Variants in ZNF106 observed in about 807,000 individuals in gnomAD.
ZNF106 encodes zinc finger protein 106, also known as SH3-domain binding protein 3.
In ZNF106, 67 loss-of-function variants were observed where a neutral mutation model predicts 195.1. The observed-to-expected ratio is 0.34, with a 90% CI of 0.28 to 0.42. ZNF106 has a LOEUF of 0.42. Among genes scored for constraint, ZNF106 ranks in the 10% least tolerant of loss-of-function variants. The pLI is 1.00. For missense variants in ZNF106, 2,118 were observed against 2,304.5 expected, an observed-to-expected ratio of 0.92 and a Z score of 1.66; for synonymous variants, 784 against 818.6, an observed-to-expected ratio of 0.96 and a Z score of 0.72.
intron 10 of ZNF106, 55 bp from the exon 11 acceptor site, chr15:42,439,868 T>A: frequency 6.8e-7 from 1 of 1,465,760 alleles, no homozygotes; most frequent in African/African-American, 1.4e-5. Flanking sequence ...CTGCAATTTA[T>A]CACTGACTGA....
At position 42,472,252 on chromosome 15, in the gene ZNF106, A is replaced by C; in HGVS notation, c.38T>G (p.Val13Gly). Residue 13 changes from valine to glycine, a missense_variant, in exon 2 of 22, where the codon GTG (valine) becomes GGG (glycine). Val to Gly is a moderately radical substitution (Grantham distance 109). Transcript: ENST00000564754. ...RERKCILCHI[V>G]YSSKKEMDEH... is the part of the protein sequence containing the mutation. ...CATTATTACCTTTTTTGAGCTGTAC[A>C]CGATGTGGCATAATATGCATTTTCG... 6.5e-7 allele frequency: 1 copy of C among 1,535,900 alleles called. No homozygotes were observed. Among genetic ancestry groups the C allele is most frequent in the Non-Finnish European group, 8.7e-7 (1 of 1,146,782 alleles).
intron 20 of ZNF106, among the ~76,000 whole-genome samples, chr15:42,419,095 G>C (rs576347358): frequency 4.0e-5 from 6 of 151,080 alleles, no homozygotes; most frequent in African/African-American, 1.5e-4. Flanking sequence ...CAGGCCGGGC[G>C]TGGTGGCTCA....
intron 2 of ZNF106, among the ~76,000 whole-genome samples, chr15:42,467,127 G>A (rs572209343): frequency 1.6e-4 from 24 of 152,034 alleles, no homozygotes; most frequent in African/African-American, 4.8e-4. Context: ...ACGAGACTCC[G>A]TCTCAAAAAA....
At chr15:42,485,716 G>T (rs1273122956) in intron 1 of ZNF106, among the ~76,000 whole-genome samples, 1 of 152,150 alleles carries the variant, frequency 6.6e-6, no homozygotes, top group Admixed American at 6.5e-5. Context: ...GAAAATAAAA[G>T]AGTGGATAAA....
intron 15 of ZNF106, 82 bp downstream of exon 15, chr15:42,427,936 C>T (rs2054912690): frequency 8.5e-7 from 1 of 1,178,080 alleles, no homozygotes; most frequent in South Asian, 1.3e-5. Context: ...TAGGAAAATC[C>T]CTGCCTGCTA....
At chr15:42,487,105 G>A (rs370718834) in intron 1 of ZNF106, among the ~76,000 whole-genome samples, 4 of 151,992 alleles carry the variant, frequency 2.6e-5, no homozygotes, top group Non-Finnish European at 4.4e-5. Context: ...AGCAGAGATC[G>A]TGCCATCGCA....
intron 3 of ZNF106, 124 bp from the exon 4 acceptor site, chr15:42,457,282 T>C (rs1197187170): frequency 1.3e-6 from 2 of 1,535,768 alleles, no homozygotes; most frequent in African/African-American, 1.4e-5. Context: ...TTAGTGCTAA[T>C]TAATTTCAAT....
In ZNF106 at chr15:42,418,532, A is replaced by ATTTTTT. The variant is rs1162999546; in HGVS notation, c.5518-587_5518-582dup. On this transcript the variant is annotated intron_variant, in intron 20 of 21. Coordinates refer to ENST00000564754, the MANE Select transcript of ZNF106 (RefSeq NM_001366845.3). ...AGGCGTGCACCACCACGGCCAGTTAATTTTTTTTTTTTTTTTTTTTTTTTT... is the reference window on the plus strand; with the variant it reads ...AGGCGTGCACCACCACGGCCAGTTAATTTTTTTTTTTTTTTTTTTTTTTTTTTTTTT... 2.1e-4 allele frequency among the ~76,000 whole-genome samples: 20 copies of ATTTTTT among 96,246 alleles called. 1 individual carries two copies. Among genetic ancestry groups the ATTTTTT allele is most frequent in the African/African-American group, 6.0e-4 (14 of 23,454 alleles). 63.1% of individuals were successfully genotyped at this position (96,246 alleles called of 152,430 possible).
At chr15:42,443,392 G>A (rs546591294) in intron 9 of ZNF106, among the ~76,000 whole-genome samples, 2 of 152,260 alleles carry the variant, frequency 1.3e-5, no homozygotes, top group African/African-American at 2.4e-5. Context: ...AACCATTTGG[G>A]AGGTCAAGTT....
chr15:42,451,607 G>C lies in ZNF106; in HGVS notation c.665C>G (p.Thr222Arg). ...AGAAAGCCAACTGGAATTCCTTCCT[G>C]TACCATTATGATTCCAATCTACTGC... ...SGAVDWNHNG[T>R]GRNSSWLSEG... The change falls in exon 5 of 22, where the codon ACA (threonine) becomes AGA (arginine). Residue 222 changes from threonine to arginine, a missense_variant. Thr to Arg is a moderately conservative substitution (Grantham distance 71). Coordinates refer to ENST00000564754, the MANE Select transcript of ZNF106 (RefSeq NM_001366845.3). The C allele has an allele frequency of 6.2e-7, 1 of 1,614,098 alleles. No individual in the cohort carries two copies. The highest frequency in any genetic ancestry group is 8.5e-7 in the Non-Finnish European group (1 of 1,180,034).
chr15:42,485,402 A>C (rs1258386277), intron 1 of ZNF106, among the ~76,000 whole-genome samples: 2 of 152,236 alleles, frequency 1.3e-5, no homozygotes, highest in Non-Finnish European at 2.9e-5. Context: ...ATGCTGTTAC[A>C]ACATTAATGA....
At chr15:42,449,708 A>AG in intron 5 of ZNF106, 63 bp downstream of exon 5, 1 of 1,523,292 alleles carries the variant, frequency 6.6e-7, no homozygotes, top group Non-Finnish European at 8.8e-7. Flanking sequence ...TCTCTTGATC[A>AG]GGGTCAAAGG....
rs757191802 is a variant in ZNF106 at position 42,439,362 on chromosome 15, T to C, written c.4215A>G (p.Val1405=). The change falls in exon 11 of 22, where the codon GTA becomes GTG. Residue 1405 remains valine (V), a synonymous_variant. Transcript: ENST00000564754. ...TTAACTTTCCAGCTTTTACTTTCCT[T>C]ACAGGTTTAACAGTCAAAACATCCT... is the stretch of plus-strand genomic sequence containing the variant. The part of the protein sequence containing the change: ...TEQDVLTVKP[V]RKVKAGKLIK... 9 of 1,613,986 alleles carry C rather than the reference T, an allele frequency of 5.6e-6. No homozygotes were observed. Among genetic ancestry groups the C allele is most frequent in the Non-Finnish European group, 5.9e-6 (7 of 1,180,034 alleles).
At chr15:42,479,647 G>C (rs1179495992) in intron 1 of ZNF106, among the ~76,000 whole-genome samples, 2 of 151,986 alleles carry the variant, frequency 1.3e-5, no homozygotes, top group Non-Finnish European at 1.5e-5. Flanking sequence ...TTTGAGACCA[G>C]CATGGCCAAC....
At position 42,437,940 on chromosome 15, in the gene ZNF106, A is replaced by G. The variant is rs144756326; in HGVS notation, c.4601-563T>C. ...AAAAAGAAAAAGAGCTTTGAGTGAT[A>G]CTTGGAAGGTATCCAATCTCTCCCA... On this transcript the variant is annotated intron_variant, in intron 12 of 21. Transcript: ENST00000564754. Among the ~76,000 whole-genome samples the G allele has an allele frequency of 2.0e-3, 311 of 151,932 alleles. 6 individuals are homozygous for G. Among genetic ancestry groups the G allele is most frequent in the Admixed American group, 0.018 (282 of 15,250 alleles).
intron 3 of ZNF106, among the ~76,000 whole-genome samples, chr15:42,460,551 C>A (rs914855998): frequency 6.6e-6 from 1 of 152,202 alleles, no homozygotes; most frequent in African/African-American, 2.4e-5. Context: ...CCCAGAAGGG[C>A]ATACGCAATA....
chr15:42,488,819 G>C (rs953781799), intron 1 of ZNF106, among the ~76,000 whole-genome samples: 1 of 152,032 alleles, frequency 6.6e-6, no homozygotes, highest in Middle Eastern at 3.2e-3. Context: ...GCTCACACCT[G>C]TAATCCCAGC....
chr15:42,463,713 T>A (rs1595483162), intron 3 of ZNF106, among the ~76,000 whole-genome samples: 1 of 151,904 alleles, frequency 6.6e-6, no homozygotes, highest in Admixed American at 6.6e-5. Context: ...GGTGGGAGGA[T>A]TGTTTGAGCC....
intron 14 of ZNF106, among the ~76,000 whole-genome samples, chr15:42,428,802 C>A (rs566047289): frequency 1.3e-5 from 2 of 152,088 alleles, no homozygotes; most frequent in African/African-American, 4.8e-5. Flanking sequence ...CCTGCTCTGT[C>A]GCCCAGGCTG....
Sources: allele counts gnomAD v4.1 joint callset (sites outside exome capture counted in the v4.1 genomes callset), GRCh38; gene constraint gnomAD v4.1.1; transcripts MANE v1.5; gene names NCBI Gene and HGNC (gene_info 2026-07-23, HGNC 2026-07-21).